PTPRA: variants seen among roughly 807,000 people sequenced by gnomAD.
PTPRA encodes protein tyrosine phosphatase receptor type A.
In PTPRA, 25 loss-of-function variants were observed where a neutral mutation model predicts 104.8. The observed-to-expected ratio is 0.24, with a 90% CI of 0.17 to 0.33. PTPRA has a LOEUF of 0.33. Among genes scored for constraint, PTPRA ranks in the 10% least tolerant of loss-of-function variants. The pLI is 1.00. For synonymous variants in PTPRA, 323 were observed against 368.9 expected, an observed-to-expected ratio of 0.88 and a Z score of 1.43; for missense variants, 765 against 1,015.3, an observed-to-expected ratio of 0.75 and a Z score of 3.35.
chr20:2,884,815 T>G (rs868726932), intron 1 of PTPRA, among the ~76,000 whole-genome samples: 5 of 24,796 alleles, frequency 2.0e-4, no homozygotes, highest in African/African-American at 1.3e-3. Context: ...TTTTTTTGTT[T>G]TTTTTTTTTT....
chr20:3,011,401 A>G (rs1418345970), intron 11 of PTPRA, among the ~76,000 whole-genome samples: 4 of 152,222 alleles, frequency 2.6e-5, no homozygotes, highest in African/African-American at 4.8e-5. Flanking sequence ...TCCCTCATAT[A>G]CTACACAGGT....
intron 1 of PTPRA, among the ~76,000 whole-genome samples, chr20:2,896,526 C>T (rs544647975): frequency 3.3e-5 from 5 of 152,202 alleles, no homozygotes; most frequent in Non-Finnish European, 7.3e-5. Context: ...TGTACAATTG[C>T]GTCTTCTCTT....
chr20:2,870,023 C>G (rs890481759), upstream of PTPRA, among the ~76,000 whole-genome samples: 11 of 151,700 alleles, frequency 7.3e-5, no homozygotes, highest in African/African-American at 2.7e-4. Flanking sequence ...CTCACCTTCT[C>G]AGGGTAAGGG....
intron 1 of PTPRA, among the ~76,000 whole-genome samples, chr20:2,886,508 G>A (rs762014704): frequency 1.3e-5 from 2 of 152,088 alleles, no homozygotes; most frequent in Non-Finnish European, 2.9e-5. Context: ...AGAAACCACT[G>A]TAAGGGAAGA....
At chr20:2,945,983 A>G (rs1384403057) in intron 2 of PTPRA, among the ~76,000 whole-genome samples, 1 of 151,928 alleles carries the variant, frequency 6.6e-6, no homozygotes, top group Admixed American at 6.6e-5. Flanking sequence ...AGATAGATAT[A>G]TTTATATAGC....
intron 5 of PTPRA, among the ~76,000 whole-genome samples, chr20:2,971,314 T>G (rs1175004580): frequency 6.6e-6 from 1 of 152,172 alleles, no homozygotes; most frequent in Non-Finnish European, 1.5e-5. Context: ...CTGAAGTCTT[T>G]TTTTTTTAAA....
At chr20:2,899,973 AGTAGTG>A (rs1266648773) in intron 1 of PTPRA, among the ~76,000 whole-genome samples, 1 of 151,920 alleles carries the variant, frequency 6.6e-6, no homozygotes, top group Non-Finnish European at 1.5e-5. Context: ...CAGGTGTTGT[AGTAGTG>A]GTCGCCTGTA....
chr20:2,884,637 A>T (rs1600055810), intron 1 of PTPRA, among the ~76,000 whole-genome samples: 2 of 152,256 alleles, frequency 1.3e-5, no homozygotes, highest in South Asian at 4.2e-4. Context: ...TTTTATTATT[A>T]AGTTACTTAT....
chr20:2,902,582 G>A (rs531241884), intron 1 of PTPRA, among the ~76,000 whole-genome samples: 1 of 152,126 alleles, frequency 6.6e-6, no homozygotes, highest in African/African-American at 2.4e-5. Context: ...GTGATTCCAG[G>A]TCATCCTAGA....
rs1292665470 is a variant in PTPRA, at chr20:2,894,973, C to T, written c.-129+21213C>T. ...CTGCACTCCAGCCTGGGCGACAGAG[C>T]GAGACTCCTTCACCCAAAAAAAAAA... On this transcript the variant is annotated intron_variant, in intron 1 of 23. Coordinates refer to ENST00000399903, the MANE Select transcript of PTPRA (RefSeq NM_001385305.1). Among the ~76,000 whole-genome samples the T allele has an allele frequency of 7.7e-5, 11 of 141,940 alleles. No homozygotes were observed. The South Asian group carries it at 9.0e-4, about 12-fold the overall frequency. 93.1% of individuals were successfully genotyped at this position (141,940 alleles called of 152,430 possible).
At chr20:3,006,224 G>A (rs931557167) in intron 10 of PTPRA, among the ~76,000 whole-genome samples, 14 of 151,894 alleles carry the variant, frequency 9.2e-5, no homozygotes, top group African/African-American at 2.9e-4. Flanking sequence ...TTAGAGACAG[G>A]GCCACCCAAG....
At chr20:2,906,352 T>G (rs1008967770) in intron 1 of PTPRA, among the ~76,000 whole-genome samples, 1 of 152,174 alleles carries the variant, frequency 6.6e-6, no homozygotes, top group Non-Finnish European at 1.5e-5. Context: ...CAGAAGGAGA[T>G]AGAGGACAAG....
chr20:2,991,330 A>C (rs1280828645), intron 9 of PTPRA, among the ~76,000 whole-genome samples: 1 of 149,598 alleles, frequency 6.7e-6, no homozygotes, highest in Non-Finnish European at 1.5e-5. Flanking sequence ...GTGCCATTGC[A>C]CTCCAGCCTG....
intron 9 of PTPRA, among the ~76,000 whole-genome samples, chr20:2,992,033 T>C (rs2063197912): frequency 6.6e-6 from 1 of 152,186 alleles, no homozygotes; most frequent in African/African-American, 2.4e-5. Context: ...TGGGCCAGCA[T>C]GTTTCACCAA....
rs764928267 is a variant in PTPRA, at chr20:3,035,925, A to G, written c.2182A>G (p.Ile728Val). The G allele has an allele frequency of 1.2e-5, 20 of 1,613,526 alleles. No individual in the cohort carries two copies. The highest frequency in any genetic ancestry group is 6.7e-5 in the African/African-American group (5 of 74,926). Residue 728 changes from isoleucine (I) to valine (V), a missense_variant, in exon 22 of 24, where the codon ATC (isoleucine) becomes GTC (valine). This residue lies in a region of PTPRA where 72 missense variants were observed against 140.7 expected (regional missense o/e 0.51). Transcript: ENST00000399903. The surrounding 1 kb of genome is among the most constrained non-coding windows in gnomAD (Gnocchi z 5.8). ...KQQQQSGNHP[I>V]TVHCSAGAGR... The stretch of plus-strand genomic sequence containing the variant: ...GCAGCAGCAGTCAGGGAACCACCCC[A>G]TCACCGTGCACTGCAGGTATGGCTC...
In PTPRA at chr20:2,873,642, G is replaced by T. The variant is rs1413596720; in HGVS notation, c.-247G>T. 6.6e-6 allele frequency: 1 copy of T among 150,654 alleles called. No homozygotes were observed. Among genetic ancestry groups the T allele is most frequent in the Non-Finnish European group, 1.5e-5 (1 of 67,494 alleles). 9.3% of individuals were successfully genotyped at this position (150,654 alleles called of 1,614,324 possible). ...GCGAGGCCGCCGCCGCCGCCGCGGG[G>T]CTCGGAGCCGCGGGCCGGGCGGCGG... On this transcript the variant is annotated 5_prime_UTR_variant, in exon 1 of 24. Transcript: ENST00000399903. This position sits in a 1 kb window ranked among gnomAD's most constrained non-coding sequence, Gnocchi z 4.4.
intron 11 of PTPRA, 68 bp downstream of exon 11, chr20:3,007,488 C>A: frequency 6.8e-7 from 1 of 1,475,616 alleles, no homozygotes. Flanking sequence ...GGCTCCTCCC[C>A]AGCTGTGTGT....
chr20:2,925,223 C>T (rs2060251183), intron 2 of PTPRA, among the ~76,000 whole-genome samples: 1 of 152,122 alleles, frequency 6.6e-6, no homozygotes, highest in Non-Finnish European at 1.5e-5. Flanking sequence ...GGCAACCATT[C>T]TACCTTCTGT....
intron 1 of PTPRA, among the ~76,000 whole-genome samples, chr20:2,910,589 G>GGTTTTTTTTT (rs2059675838): frequency 1.7e-5 from 1 of 57,984 alleles, no homozygotes; most frequent in East Asian, 5.8e-4. Context: ...TTTTTTTTTT[G>GGTTTTTTTTT]TTTTTTTTTT....
Sources: allele counts gnomAD v4.1 joint callset (sites outside exome capture counted in the v4.1 genomes callset), GRCh38; gene constraint gnomAD v4.1.1; regional missense constraint gnomAD v4.1.1; non-coding constraint Gnocchi (gnomAD v3.1); transcripts MANE v1.5; gene names NCBI Gene and HGNC (gene_info 2026-07-23, HGNC 2026-07-21).